The following GUCY2F variants were observed in gnomAD, a reference collection of about 807,000 sequenced individuals.
The protein encoded by GUCY2F is retinal guanylyl cyclase 2.
A neutral mutation model predicts 73.1 loss-of-function variants in GUCY2F; 61 were observed. The observed-to-expected ratio is 0.83, with a 90% CI of 0.68 to 1.03. GUCY2F has a LOEUF of 1.03. Ranked by LOEUF, GUCY2F falls within the 50% of genes least tolerant of loss-of-function variation. GUCY2F has a pLI of 0.00. For synonymous variants in GUCY2F, 331 were observed against 307.8 expected, an observed-to-expected ratio of 1.08 and a Z score of -0.79; for missense variants, 912 against 854.3, an observed-to-expected ratio of 1.07 and a Z score of -0.84.
intron 2 of GUCY2F, among the ~76,000 whole-genome samples, chrX:109,471,919 A>G (rs775071793): frequency 8.9e-6 from 1 of 112,101 alleles, no homozygotes; most frequent in Non-Finnish European, 1.9e-5. Flanking sequence ...ACGTAAAGTA[A>G]TAGTATGGTT....
At chrX:109,402,414 C>G (rs1033842944) in intron 10 of GUCY2F, among the ~76,000 whole-genome samples, 38 of 108,320 alleles carry the variant, frequency 3.5e-4, no homozygotes, top group Non-Finnish European at 3.8e-5. Context: ...GTTCTGTCAC[C>G]CAGGCTGGAG....
At chrX:109,441,293 A>G (rs967343479) in intron 7 of GUCY2F, 58 bp downstream of exon 7, 5 of 767,025 alleles carry the variant, frequency 6.5e-6, no homozygotes, top group South Asian at 4.1e-5. Context: ...TTACTAAATC[A>G]TTGCCTCATT....
At chrX:109,411,341 C>G (rs922917181) in intron 8 of GUCY2F, among the ~76,000 whole-genome samples, 1 of 110,005 alleles carries the variant, frequency 9.1e-6, no homozygotes, top group Admixed American at 9.7e-5. Context: ...CCACAGGCCT[C>G]AGGCAGTAAT....
chrX:109,463,249 A>G (rs1169289152), intron 3 of GUCY2F, among the ~76,000 whole-genome samples: 1 of 111,064 alleles, frequency 9.0e-6, no homozygotes, highest in Non-Finnish European at 1.9e-5. Flanking sequence ...CTTTCTTGCT[A>G]ACAGAATCTC....
At chrX:109,430,891 G>C (rs757523948) in intron 7 of GUCY2F, among the ~76,000 whole-genome samples, 9 of 111,232 alleles carry the variant, frequency 8.1e-5, no homozygotes, top group Non-Finnish European at 1.1e-4. Context: ...GGCCATTCGT[G>C]TGTGTGTATG....
chrX:109,385,994 G>C (rs1444979017), intron 15 of GUCY2F, among the ~76,000 whole-genome samples: 1 of 110,626 alleles, frequency 9.0e-6, no homozygotes, highest in Non-Finnish European at 1.9e-5. Flanking sequence ...GAGATAGGGG[G>C]TCTCACCATA....
intron 1 of GUCY2F, among the ~76,000 whole-genome samples, chrX:109,480,243 A>T (rs1932756985): frequency 9.0e-6 from 1 of 111,570 alleles, no homozygotes; most frequent in Admixed American, 9.5e-5. Context: ...AGAGAAAACA[A>T]CTCTAAAGAA....
chrX:109,413,654 C>T (rs2480507), intron 8 of GUCY2F, among the ~76,000 whole-genome samples: 2,813 of 110,919 alleles, frequency 0.025, 122 homozygotes, highest in Admixed American at 0.15. Flanking sequence ...GATCCACTCG[C>T]CTTAGACTCC....
At chrX:109,459,129 A>G (rs1294809068) in intron 3 of GUCY2F, among the ~76,000 whole-genome samples, 1 of 111,327 alleles carries the variant, frequency 9.0e-6, no homozygotes, top group Non-Finnish European at 1.9e-5. Flanking sequence ...CCTCTCAAAC[A>G]TCACTCTCAA....
Position 109,441,352 on chromosome X carries a change from T to A in GUCY2F, c.1700A>T (p.Glu567Val). The A allele has an allele frequency of 8.8e-7, 1 of 1,133,312 alleles. No individual in the cohort carries two copies. 93.4% of individuals were successfully genotyped at this position (1,133,312 alleles called of 1,213,427 possible). The change falls in exon 7 of 20, where the codon GAG becomes GTG. Residue 567 changes from glutamate to valine, a missense_variant and splice_region_variant. Transcript: ENST00000218006. ...TTAGACAGCTGTTGAATATCTTACC[T>A]CATAAATCGCTATGTTGGAGTTTTC... ...TYENSNIAIY[E>V]GDWVWLKKFS... is the part of the protein sequence containing the mutation.
At chrX:109,456,150 C>A (rs1435073882) in intron 3 of GUCY2F, among the ~76,000 whole-genome samples, 2 of 112,431 alleles carry the variant, frequency 1.8e-5, no homozygotes, top group Non-Finnish European at 3.8e-5. Context: ...GGTATCCACA[C>A]TTAGTTGCCT....
At chrX:109,442,008 G>A (rs1317698731) in intron 6 of GUCY2F, among the ~76,000 whole-genome samples, 1 of 111,293 alleles carries the variant, frequency 9.0e-6, no homozygotes, top group Admixed American at 9.6e-5. Context: ...AAGATTAACG[G>A]CAGAGGGTAT....
In GUCY2F at chrX:109,441,440, C is replaced by A. The variant is rs778011700; in HGVS notation, c.1612G>T (p.Val538Phe). 13 of 1,176,470 alleles carry A rather than the reference C, an allele frequency of 1.1e-5. No individual in the cohort carries two copies. The South Asian group carries it at 2.3e-4, about 21-fold the overall frequency. ...AGTCTTGGGGACCTCCCACTTTGGACCTCTGAGGTAATCTGGAAGCTTACA... is the reference window on the plus strand; with the variant it reads ...AGTCTTGGGGACCTCCCACTTTGGAACTCTGAGGTAATCTGGAAGCTTACA... Reference protein sequence around the residue: ...ASVSFQITSEVQSGRSPRLSF... With the variant: ...ASVSFQITSEFQSGRSPRLSF... The change falls in exon 7 of 20, where the codon GTC (valine) becomes TTC (phenylalanine). Residue 538 changes from valine (V) to phenylalanine (F), a missense_variant. Physicochemically the swap from Val to Phe is conservative, Grantham distance 50. Transcript: ENST00000218006.
At chrX:109,472,908 C>T (rs1249624344) in intron 2 of GUCY2F, among the ~76,000 whole-genome samples, 3 of 111,674 alleles carry the variant, frequency 2.7e-5, no homozygotes, top group African/African-American at 9.8e-5. Flanking sequence ...CCCCCTGTCA[C>T]ACCTCACCCA....
chrX:109,447,887 T>TA (rs200056427), intron 6 of GUCY2F, among the ~76,000 whole-genome samples, 182 bp downstream of exon 6: 6,386 of 108,378 alleles, frequency 0.059, 425 homozygotes, highest in African/African-American at 0.2. Flanking sequence ...ATTTTTTTAA[T>TA]TTTTTTTTTA....
chrX:109,477,928 G>A (rs1166464342), intron 1 of GUCY2F, among the ~76,000 whole-genome samples: 1 of 111,873 alleles, frequency 8.9e-6, no homozygotes, highest in Non-Finnish European at 1.9e-5. Context: ...GGTGAAAGCT[G>A]ATTTGAATGA....
At chrX:109,431,858 T>G (rs1931623061) in intron 7 of GUCY2F, among the ~76,000 whole-genome samples, 1 of 103,888 alleles carries the variant, frequency 9.6e-6, no homozygotes, top group South Asian at 4.5e-4. Context: ...GCCAAGGAGC[T>G]CAAAGTCCTT....
chrX:109,430,914 T>C (rs1324727353), intron 7 of GUCY2F, among the ~76,000 whole-genome samples: 2 of 111,384 alleles, frequency 1.8e-5, no homozygotes, highest in Admixed American at 9.5e-5. Flanking sequence ...GGGGGGGCTG[T>C]CTTATGCTTT....
chrX:109,440,043 A>G lies in GUCY2F; in HGVS notation c.1701+1308T>C, dbSNP rs544714411. 3.6e-5 allele frequency among the ~76,000 whole-genome samples: 4 copies of G among 112,169 alleles called. No individual in the cohort carries two copies. The East Asian group carries it at 1.1e-3, about 31-fold the overall frequency. The stretch of plus-strand genomic sequence containing the variant: ...CCACAGTTTTAGGTATTTTTTTGTA[A>G]CAACCCACTGCTCTGGTACCAATTT... On this transcript the variant is annotated intron_variant, in intron 7 of 19. Coordinates refer to ENST00000218006, the MANE Select transcript of GUCY2F (RefSeq NM_001522.3).
Sources: allele counts gnomAD v4.1 joint callset (sites outside exome capture counted in the v4.1 genomes callset), GRCh38; gene constraint gnomAD v4.1.1; transcripts MANE v1.5; gene names NCBI Gene and HGNC (gene_info 2026-07-23, HGNC 2026-07-21).